EPN1: variants seen among roughly 807,000 people sequenced by gnomAD.
The protein encoded by EPN1 is epsin 1.
In EPN1, 25 loss-of-function variants were observed where a neutral mutation model predicts 56.9. That is an observed-to-expected ratio of 0.44 (90% CI 0.32 to 0.61). The LOEUF is 0.61. Ranked by LOEUF, EPN1 falls within the 20% of genes least tolerant of loss-of-function variation. The pLI, the probability that EPN1 is intolerant of heterozygous loss-of-function variation, is 0.05. For synonymous variants in EPN1, 411 were observed against 361.8 expected, an observed-to-expected ratio of 1.14 and a Z score of -1.54; for missense variants, 785 against 823.7, an observed-to-expected ratio of 0.95 and a Z score of 0.58.
rs894932254 is a variant in EPN1 at position 55,699,583 on chromosome 19, C to T, written c.*4227C>T. 2.0e-5 allele frequency: 3 copies of T among 152,192 alleles called. No homozygotes were observed. The highest frequency in any genetic ancestry group is 1.9e-4 in the East Asian group (1 of 5,194). The allele number at this position is 152,192 out of a possible 1,614,324, so 9.4% of individuals were successfully genotyped here. On this transcript the variant is annotated 3_prime_UTR_variant, in exon 11 of 11. Transcript: ENST00000270460. The stretch of plus-strand genomic sequence containing the variant: ...AAAATGTTTTATTAGAGTGCAGCCA[C>T]GGCTGCTTCTGCACTACAGTGGCAA...
Position 55,706,485 on chromosome 19 carries a change from C to G in EPN1, c.*11129C>G, listed in dbSNP as rs1347224608. The G allele has an allele frequency of 6.6e-6, 1 of 151,546 alleles. No individual in the cohort carries two copies. The highest frequency in any genetic ancestry group is 1.5e-5 in the Non-Finnish European group (1 of 68,048). The allele number at this position is 151,546 out of a possible 1,614,324, so 9.4% of individuals were successfully genotyped here. A position where few individuals can be genotyped will look rare whatever the true frequency, so the allele number is the denominator to read the frequency against. On this transcript the variant is annotated 3_prime_UTR_variant, in exon 11 of 11. Coordinates refer to ENST00000270460, the MANE Select transcript of EPN1 (RefSeq NM_001130072.2). The stretch of plus-strand genomic sequence containing the variant: ...TGGCCGACATGGCAAAACCCTGTCT[C>G]TACTAAAAATACAAAAATTAGCCGG...
intron 2 of EPN1, among the ~76,000 whole-genome samples, chr19:55,679,149 T>C (rs1985636330): frequency 6.6e-6 from 1 of 152,218 alleles, no homozygotes; most frequent in African/African-American, 2.4e-5. Flanking sequence ...CCAGTTCCTT[T>C]CCTCACAGCA....
In EPN1 at chr19:55,691,662, T is replaced by C. The variant is rs1986553396; in HGVS notation, c.763-92T>C. The C allele has an allele frequency of 3.4e-6, 4 of 1,183,966 alleles. No homozygotes were observed. Among genetic ancestry groups the C allele is most frequent in the Non-Finnish European group, 4.9e-6 (4 of 820,038 alleles). 73.3% of individuals were successfully genotyped at this position (1,183,966 alleles called of 1,614,324 possible). A position where few individuals can be genotyped will look rare whatever the true frequency, so the allele number is the denominator to read the frequency against. On this transcript the variant is annotated intron_variant, in intron 6 of 10. Transcript: ENST00000270460. The surrounding 1 kb of genome is among the most constrained non-coding windows in gnomAD (Gnocchi z 5.6). ...GGCTGCTGTCTGGACACCCAGGGCC[T>C]GGCCGCCTCCCCCGCCACGGGCCCC...
chr19:55,709,394 CA>C lies in EPN1; in HGVS notation c.*14039del, dbSNP rs1416189701. ...AATGTGCTTGCTTAAAAAAAAAAAACATGAGCTTTTCTCAGAGACACTAATA... is the reference window on the plus strand; with the variant it reads ...AATGTGCTTGCTTAAAAAAAAAAAACTGAGCTTTTCTCAGAGACACTAATA... On this transcript the variant is annotated 3_prime_UTR_variant, in exon 11 of 11. Coordinates refer to ENST00000270460, the MANE Select transcript of EPN1 (RefSeq NM_001130072.2). The C allele has an allele frequency of 6.5e-6, 1 of 154,818 alleles. No homozygotes were observed. The highest frequency in any genetic ancestry group is 2.5e-5 in the African/African-American group (1 of 40,342). 9.6% of individuals were successfully genotyped at this position (154,818 alleles called of 1,614,324 possible). A position where few individuals can be genotyped will look rare whatever the true frequency, so the allele number is the denominator to read the frequency against.
At position 55,707,355 on chromosome 19, in the gene EPN1, GAACAAAT is replaced by G. The variant is rs1987475554; in HGVS notation, c.*12007_*12013del. The G allele has an allele frequency of 6.6e-6, 1 of 152,154 alleles. No homozygotes were observed. Among genetic ancestry groups the G allele is most frequent in the African/African-American group, 2.4e-5 (1 of 41,386 alleles). 9.4% of individuals were successfully genotyped at this position (152,154 alleles called of 1,614,324 possible). A position where few individuals can be genotyped will look rare whatever the true frequency, so the allele number is the denominator to read the frequency against. On this transcript the variant is annotated 3_prime_UTR_variant, in exon 11 of 11. Coordinates refer to ENST00000270460, the MANE Select transcript of EPN1 (RefSeq NM_001130072.2). The stretch of plus-strand genomic sequence containing the variant: ...GACCCTGACTCTAAAACAAAAGAAA[GAACAAAT>G]AACAAATGAAAATAAATACCCAAAA...
chr19:55,680,067 A>G (rs1985708688), intron 2 of EPN1, among the ~76,000 whole-genome samples: 1 of 152,084 alleles, frequency 6.6e-6, no homozygotes, highest in African/African-American at 2.4e-5. Context: ...CCAAGGCCTG[A>G]GAGTCTGCTG....
intron 2 of EPN1, 119 bp downstream of exon 2, chr19:55,678,974 T>TA (rs1180520191): frequency 1.5e-6 from 1 of 675,814 alleles, no homozygotes; most frequent in Non-Finnish European, 2.5e-6. Flanking sequence ...TGGAGAAGAG[T>TA]AAAATCTCTC....
At chr19:55,680,004 G>A (rs1985705034) in intron 2 of EPN1, among the ~76,000 whole-genome samples, 1 of 152,198 alleles carries the variant, frequency 6.6e-6, no homozygotes, top group Non-Finnish European at 1.5e-5. Flanking sequence ...AGTGGCTGGG[G>A]TGATGCTGCT....
intron 1 of EPN1, chr19:55,677,459 A>T: frequency 1.3e-6 from 1 of 744,260 alleles, no homozygotes; most frequent in South Asian, 1.9e-5. Context: ...GTTAATTTAA[A>T]AGTATGAGTT....
intron 3 of EPN1, among the ~76,000 whole-genome samples, chr19:55,687,828 C>T (rs1038567161): frequency 6.6e-6 from 1 of 152,222 alleles, no homozygotes; most frequent in African/African-American, 2.4e-5. Context: ...GCACCCAGCC[C>T]TGCTGGGCAC....
Position 55,691,975 on chromosome 19 carries a change from A to G in EPN1, c.984A>G (p.Gly328=), listed in dbSNP as rs751267822. Residue 328 remains glycine, a synonymous_variant, in exon 7 of 11, where the codon GGA becomes GGG. Coordinates refer to ENST00000270460, the MANE Select transcript of EPN1 (RefSeq NM_001130072.2). This position sits in a 1 kb window ranked among gnomAD's most constrained non-coding sequence, Gnocchi z 5.6. ...GDPWRPAAPA[G]PSVDPWGGTP... is the part of the protein sequence containing the mutation. ...CCTGGAGGCCTGCTGCCCCTGCAGG[A>G]CCCTCAGTTGACCCTTGGGGTGGGA... The G allele has an allele frequency of 6.6e-7, 1 of 1,505,404 alleles. No individual in the cohort carries two copies. The highest frequency in any genetic ancestry group is 8.8e-7 in the Non-Finnish European group (1 of 1,133,576). The allele number at this position is 1,505,404 out of a possible 1,614,324, so 93.3% of individuals were successfully genotyped here.
At chr19:55,681,418 G>C (rs1462165642) in intron 2 of EPN1, among the ~76,000 whole-genome samples, 1 of 152,218 alleles carries the variant, frequency 6.6e-6, no homozygotes, top group Non-Finnish European at 1.5e-5. Context: ...TCTGGGCCCT[G>C]CACTGCCACC....
In EPN1 at chr19:55,678,557, C is replaced by G; in HGVS notation, c.-71C>G. The G allele has an allele frequency of 6.5e-7, 1 of 1,550,298 alleles. No homozygotes were observed. Among genetic ancestry groups the G allele is most frequent in the Non-Finnish European group, 8.7e-7 (1 of 1,149,852 alleles). On this transcript the variant is annotated 5_prime_UTR_variant, in exon 2 of 11. Transcript: ENST00000270460. ...GTGACCTGCCAGCACCTGCCGCAGC[C>G]TTCGTCCGGGAGTCGCCCCATCTCT... is the stretch of plus-strand genomic sequence containing the variant.
At chr19:55,690,553 G>A (rs1014740558) in intron 6 of EPN1, among the ~76,000 whole-genome samples, 1 of 152,218 alleles carries the variant, frequency 6.6e-6, no homozygotes, top group Non-Finnish European at 1.5e-5. Flanking sequence ...TGGGCCCGGG[G>A]TGTCCGCACT....
Position 55,699,825 on chromosome 19 carries a change from A to C in EPN1, c.*4469A>C, listed in dbSNP as rs1486334854. 6.6e-6 allele frequency: 1 copy of C among 151,846 alleles called. No homozygotes were observed. The highest frequency in any genetic ancestry group is 1.5e-5 in the Non-Finnish European group (1 of 67,960). The allele number at this position is 151,846 out of a possible 1,614,324, so 9.4% of individuals were successfully genotyped here. A position where few individuals can be genotyped will look rare whatever the true frequency, so the allele number is the denominator to read the frequency against. Reference sequence around the variant, plus strand: ...CCCTTTGCTGTTTGTTTTGTATTGAATGTTTCTTCATGCTTTTGTTTTACT... The same window carrying C: ...CCCTTTGCTGTTTGTTTTGTATTGACTGTTTCTTCATGCTTTTGTTTTACT... On this transcript the variant is annotated 3_prime_UTR_variant, in exon 11 of 11. Transcript: ENST00000270460.
chr19:55,682,077 A>T (rs1044845347), intron 2 of EPN1, among the ~76,000 whole-genome samples: 1 of 151,876 alleles, frequency 6.6e-6, no homozygotes, highest in African/African-American at 2.4e-5. Flanking sequence ...AAGGGCTGGG[A>T]TTATAGTCAT....
rs1357149188 is a variant in EPN1 at position 55,701,740 on chromosome 19, G to C, written c.*6384G>C. The C allele has an allele frequency of 3.3e-5, 5 of 152,088 alleles. No homozygotes were observed. Among genetic ancestry groups the C allele is most frequent in the East Asian group, 1.9e-4 (1 of 5,192 alleles). The allele number at this position is 152,088 out of a possible 1,614,324, so 9.4% of individuals were successfully genotyped here. On this transcript the variant is annotated 3_prime_UTR_variant, in exon 11 of 11. Coordinates refer to ENST00000270460, the MANE Select transcript of EPN1 (RefSeq NM_001130072.2). ...GAAATCAAGGATGTGGATGCACACA[G>C]AGTGAGATTTGGAGCAGGAGTTTAA...
rs1295920444 is a variant in EPN1 at position 55,707,934 on chromosome 19, C to T, written c.*12578C>T. 2.0e-5 allele frequency: 3 copies of T among 152,798 alleles called. No homozygotes were observed. Among genetic ancestry groups the T allele is most frequent in the Non-Finnish European group, 4.4e-5 (3 of 68,232 alleles). 9.5% of individuals were successfully genotyped at this position (152,798 alleles called of 1,614,324 possible). Reference sequence around the variant, plus strand: ...CTGGAATTACAGGCGTGAGCCACCACTCCTGGCCTATGCCAGCATTCTTTA... The same window carrying T: ...CTGGAATTACAGGCGTGAGCCACCATTCCTGGCCTATGCCAGCATTCTTTA... On this transcript the variant is annotated 3_prime_UTR_variant, in exon 11 of 11. Transcript: ENST00000270460.
chr19:55,682,213 G>A (rs1985863845), intron 2 of EPN1, among the ~76,000 whole-genome samples: 1 of 152,224 alleles, frequency 6.6e-6, no homozygotes, highest in Non-Finnish European at 1.5e-5. Context: ...CACCTGTGTA[G>A]CCTTCACCTA....
Sources: gnomAD v4.1 joint callset for allele counts (sites outside exome capture counted in the v4.1 genomes callset) on GRCh38, gnomAD v4.1.1 for gene constraint, Gnocchi (gnomAD v3.1) non-coding constraint, MANE v1.5 for transcripts, NCBI Gene and HGNC (gene_info 2026-07-23, HGNC 2026-07-21) for gene names.